IPO5: variants seen among roughly 807,000 people sequenced by gnomAD.
IPO5 encodes importin 5.
Under a neutral mutation model 143.3 loss-of-function variants are expected in IPO5, and 18 were observed. That is an observed-to-expected ratio of 0.13 (90% CI 0.09 to 0.19). The LOEUF is 0.19. IPO5 is among the 10% of genes least tolerant of loss of function. IPO5 has a pLI of 1.00. For missense variants in IPO5, 1,013 were observed against 1,336.9 expected, an observed-to-expected ratio of 0.76 and a Z score of 3.78; for synonymous variants, 477 against 465.7, an observed-to-expected ratio of 1.02 and a Z score of -0.31.
intron 11 of IPO5, among the ~76,000 whole-genome samples, chr13:97,993,798 C>T (rs1887995367): frequency 2.0e-5 from 3 of 152,204 alleles, no homozygotes; most frequent in Non-Finnish European, 4.4e-5. Flanking sequence ...TCTTAATGAG[C>T]TAATGAGTAC....
chr13:98,017,270 T>TA (rs952972038), intron 25 of IPO5, among the ~76,000 whole-genome samples: 5 of 151,818 alleles, frequency 3.3e-5, no homozygotes, highest in African/African-American at 9.7e-5. Flanking sequence ...ATTTTTTTTT[T>TA]ACCTTCTCTC....
chr13:97,959,761 G>A (rs560483200), intron 2 of IPO5, among the ~76,000 whole-genome samples: 1 of 151,932 alleles, frequency 6.6e-6, no homozygotes, highest in African/African-American at 2.4e-5. Flanking sequence ...TGTCCCTAGG[G>A]TATGACCCCA....
intron 11 of IPO5, among the ~76,000 whole-genome samples, chr13:97,996,116 C>G (rs1366107371): frequency 6.6e-6 from 1 of 152,170 alleles, no homozygotes; most frequent in Admixed American, 6.5e-5. Flanking sequence ...AAGATGGGGT[C>G]TTGCTCTGTC....
chr13:97,974,518 C>G (rs1435200332), intron 3 of IPO5, among the ~76,000 whole-genome samples: 1 of 151,882 alleles, frequency 6.6e-6, no homozygotes, highest in Non-Finnish European at 1.5e-5. Context: ...CCATGTTGGC[C>G]AGGCTCGTCT....
chr13:98,013,034 T>C (rs1239176208), intron 21 of IPO5, among the ~76,000 whole-genome samples: 1 of 151,950 alleles, frequency 6.6e-6, no homozygotes, highest in Non-Finnish European at 1.5e-5. Context: ...GGATAGCACC[T>C]TTGCGGGGAA....
Position 98,002,944 on chromosome 13 carries a change from C to G in IPO5, c.1404C>G (p.Asn468Lys). 1 of 1,613,856 alleles carries G rather than the reference C, an allele frequency of 6.2e-7. No individual in the cohort carries two copies. Reference sequence around the variant, plus strand: ...CCCATGCAGCTGCTGCCCTCATTAACTTTACTGAAGACTGTCCCAAGTCAC... The same window carrying G: ...CCCATGCAGCTGCTGCCCTCATTAAGTTTACTGAAGACTGTCCCAAGTCAC... ...VQAHAAAALI[N>K]FTEDCPKSLL... The change falls in exon 16 of 29, where the codon AAC becomes AAG. Residue 468 changes from asparagine (N) to lysine (K), a missense_variant. Physicochemically the swap from Asn to Lys is moderately conservative, Grantham distance 94 (BLOSUM62 0). Transcript: ENST00000651721.
rs533414992 is a variant in IPO5 at position 97,968,020 on chromosome 13, C to T, written c.-112-1703C>T. 1.9e-3 allele frequency among the ~76,000 whole-genome samples: 283 copies of T among 152,174 alleles called. 1 individual carries two copies. Among genetic ancestry groups the T allele is most frequent in the Non-Finnish European group, 2.8e-3 (188 of 67,998 alleles). On this transcript the variant is annotated intron_variant, in intron 2 of 28. Transcript: ENST00000651721. ...TCACCCAGGTTGGAATGCAGTGGTG[C>T]GATCATTGCTCACTGTAACTTTGAA...
intron 4 of IPO5, chr13:97,982,257 G>A: frequency 2.7e-6 from 1 of 374,284 alleles, no homozygotes; most frequent in East Asian, 4.6e-5. Flanking sequence ...GCATAAGTTG[G>A]GAAAACATGC....
At position 98,006,356 on chromosome 13, in the gene IPO5, A is replaced by ATTTTTTTTTAT. The variant is rs1889241916; in HGVS notation, c.1716+17_1716+18insATTTTTTTTTT. The ATTTTTTTTTAT allele has an allele frequency of 3.6e-6, 2 of 556,872 alleles. No homozygotes were observed. The allele number at this position is 556,872 out of a possible 1,614,324, so 34.5% of individuals were successfully genotyped here. On this transcript the variant is annotated intron_variant, in intron 17 of 28. Transcript: ENST00000651721. ...GCTGTTGGGAAGGAAAAAGTAAGTA[A>ATTTTTTTTTAT]TTTTTTTTTTTTTTTTTTTTTTTTT...
intron 13 of IPO5, chr13:98,000,996 T>G (rs1430150277): frequency 1.3e-5 from 3 of 229,708 alleles, no homozygotes; most frequent in Non-Finnish European, 2.6e-5. Context: ...TTCTTTCTGT[T>G]TTTGCCCCTG....
chr13:97,956,373 A>G (rs1884459994), intron 2 of IPO5, among the ~76,000 whole-genome samples: 1 of 152,186 alleles, frequency 6.6e-6, no homozygotes, highest in Admixed American at 6.6e-5. Flanking sequence ...AATCTGATAT[A>G]TAAAAAAGTG....
In IPO5 at chr13:98,003,114, A is replaced by T. The variant is rs1244486052; in HGVS notation, c.1497+77A>T. The T allele has an allele frequency of 2.8e-6, 3 of 1,075,318 alleles. No homozygotes were observed. The African/African-American group carries it at 4.8e-5, about 17-fold the overall frequency. 66.6% of individuals were successfully genotyped at this position (1,075,318 alleles called of 1,614,324 possible). A position where few individuals can be genotyped will look rare whatever the true frequency, so the allele number is the denominator to read the frequency against. On this transcript the variant is annotated intron_variant, in intron 16 of 28. Transcript: ENST00000651721. ...GATTTGATGGGTAAGAACTGGAGAA[A>T]GAGGGACTTGCAGCATGACCATAAA...
At chr13:98,011,471 T>C (rs1889711872) in intron 20 of IPO5, among the ~76,000 whole-genome samples, 1 of 151,422 alleles carries the variant, frequency 6.6e-6, no homozygotes, top group African/African-American at 2.4e-5. Flanking sequence ...TTTGTATCTT[T>C]AGTAGAGACG....
At chr13:97,968,067 C>T (rs1885505763) in intron 2 of IPO5, among the ~76,000 whole-genome samples, 1 of 152,158 alleles carries the variant, frequency 6.6e-6, no homozygotes, top group Admixed American at 6.5e-5. Flanking sequence ...AAAGGATCCT[C>T]CCACCTCAGC....
rs1884301695 is a variant in IPO5 at position 97,954,146 on chromosome 13, A to T, written c.-165A>T. 1 of 233,094 alleles carries T rather than the reference A, an allele frequency of 4.3e-6. No homozygotes were observed. Among genetic ancestry groups the T allele is most frequent in the South Asian group, 5.2e-5 (1 of 19,086 alleles). 14.4% of individuals were successfully genotyped at this position (233,094 alleles called of 1,614,324 possible). A position where few individuals can be genotyped will look rare whatever the true frequency, so the allele number is the denominator to read the frequency against. The stretch of plus-strand genomic sequence containing the variant: ...GGTTCCGGGGAGAAGCCTTTCCAGG[A>T]CCCATGTGTAGGCACAACTGTTTTC... On this transcript the variant is annotated 5_prime_UTR_variant, in exon 2 of 29. Coordinates refer to ENST00000651721, the MANE Select transcript of IPO5 (RefSeq NM_002271.6).
chr13:98,005,762 T>TATA (rs1488067140), intron 16 of IPO5, among the ~76,000 whole-genome samples: 1 of 151,966 alleles, frequency 6.6e-6, no homozygotes, highest in Admixed American at 6.6e-5. Context: ...CAGCACAAAA[T>TATA]ATAATCATAA....
chr13:97,957,600 A>G (rs1884551026), intron 2 of IPO5, among the ~76,000 whole-genome samples: 1 of 152,164 alleles, frequency 6.6e-6, no homozygotes, highest in African/African-American at 2.4e-5. Context: ...CTTGAAGACA[A>G]TTTAGAGAAA....
At chr13:98,017,873 C>T (rs775657199) in intron 25 of IPO5, among the ~76,000 whole-genome samples, 1 of 151,180 alleles carries the variant, frequency 6.6e-6, no homozygotes, top group Non-Finnish European at 1.5e-5. Flanking sequence ...TTCACCATAT[C>T]GGCCAGACTG....
chr13:98,021,677 T>C, intron 28 of IPO5, 59 bp from the exon 29 acceptor site: 1 of 1,056,334 alleles, frequency 9.5e-7, no homozygotes, highest in Non-Finnish European at 1.4e-6. Flanking sequence ...ATGATGATGA[T>C]TAAAATCCTT....
Sources: gnomAD v4.1 joint callset for allele counts (sites outside exome capture counted in the v4.1 genomes callset) on GRCh38, gnomAD v4.1.1 for gene constraint, MANE v1.5 for transcripts, NCBI Gene and HGNC (gene_info 2026-07-23, HGNC 2026-07-21) for gene names.